Variants in PTPRO observed in about 807,000 individuals in gnomAD.
The protein encoded by PTPRO is receptor-type tyrosine-protein phosphatase O.
A neutral mutation model predicts 145.2 loss-of-function variants in PTPRO; 62 were observed. That is an observed-to-expected ratio of 0.43 (90% CI 0.35 to 0.53). The LOEUF is 0.53. Ranked by LOEUF, PTPRO falls within the 20% of genes least tolerant of loss-of-function variation. The probability of loss-of-function intolerance (pLI) is 0.01; values close to 1 mark genes in which losing one functional copy is unlikely to be tolerated. For missense variants in PTPRO, 1,345 were observed against 1,482.7 expected, an observed-to-expected ratio of 0.91 and a Z score of 1.53; for synonymous variants, 565 against 514.7, an observed-to-expected ratio of 1.10 and a Z score of -1.32.
At chr12:15,342,635 T>A (rs1006110601) in intron 1 of PTPRO, among the ~76,000 whole-genome samples, 1 of 152,202 alleles carries the variant, frequency 6.6e-6, no homozygotes, top group African/African-American at 2.4e-5. Flanking sequence ...CAGTGCCCAG[T>A]GGGGCTTTGC....
chr12:15,519,247 T>A (rs529477908), intron 9 of PTPRO, among the ~76,000 whole-genome samples: 21 of 152,326 alleles, frequency 1.4e-4, no homozygotes, highest in South Asian at 8.3e-4. Context: ...TTACTCACTA[T>A]CATCAGAACA....
At chr12:15,446,124 A>G (rs1240677225) in intron 1 of PTPRO, among the ~76,000 whole-genome samples, 1 of 152,144 alleles carries the variant, frequency 6.6e-6, no homozygotes, top group Non-Finnish European at 1.5e-5. Context: ...CTTTCTCAGC[A>G]TGTTATTCTA....
In PTPRO at chr12:15,426,883, G is replaced by A. The variant is rs371318223; in HGVS notation, c.76-57091G>A. On this transcript the variant is annotated intron_variant, in intron 1 of 26. Transcript: ENST00000281171. ...TTGCTCAATCTGATAATCCTAATGGGGTATTGACTGTTAATATATTATTAT... is the reference window on the plus strand; with the variant it reads ...TTGCTCAATCTGATAATCCTAATGGAGTATTGACTGTTAATATATTATTAT... 7.9e-5 allele frequency among the ~76,000 whole-genome samples: 12 copies of A among 151,784 alleles called. No individual in the cohort carries two copies. The East Asian group carries it at 2.3e-3, about 29-fold the overall frequency.
At chr12:15,467,499 C>T (rs1367191162) in intron 1 of PTPRO, among the ~76,000 whole-genome samples, 1 of 151,776 alleles carries the variant, frequency 6.6e-6, no homozygotes, top group Non-Finnish European at 1.5e-5. Context: ...TCACTCAGTG[C>T]TAAGGGATAT....
At chr12:15,377,161 T>C (rs1938713905) in intron 1 of PTPRO, among the ~76,000 whole-genome samples, 1 of 152,080 alleles carries the variant, frequency 6.6e-6, no homozygotes, top group Non-Finnish European at 1.5e-5. Flanking sequence ...TTAAGTATAG[T>C]TCCAGAGCAA....
intron 1 of PTPRO, among the ~76,000 whole-genome samples, chr12:15,461,608 G>A (rs1012365868): frequency 2.1e-3 from 254 of 118,352 alleles, no homozygotes; most frequent in Admixed American, 2.5e-3. Context: ...TCGCTCTGTC[G>A]CCAGGCTGGA....
At chr12:15,395,030 A>C (rs1440403627) in intron 1 of PTPRO, among the ~76,000 whole-genome samples, 1 of 152,230 alleles carries the variant, frequency 6.6e-6, no homozygotes, top group Non-Finnish European at 1.5e-5. Context: ...AGAACAGAGA[A>C]TGAATGAGAG....
intron 17 of PTPRO, chr12:15,565,354 C>T: frequency 3.0e-6 from 1 of 330,812 alleles, no homozygotes; most frequent in Non-Finnish European, 5.6e-6. Flanking sequence ...CAGTTTTTGG[C>T]AAATGGGAAG....
At chr12:15,482,524 T>G (rs1941801552) in intron 1 of PTPRO, among the ~76,000 whole-genome samples, 1 of 152,150 alleles carries the variant, frequency 6.6e-6, no homozygotes, top group Non-Finnish European at 1.5e-5. Flanking sequence ...GAGTGGATTT[T>G]GAATGTTCCC....
At chr12:15,519,507 A>AT (rs998389010) in intron 9 of PTPRO, among the ~76,000 whole-genome samples, 3 of 152,162 alleles carry the variant, frequency 2.0e-5, no homozygotes, top group African/African-American at 7.2e-5. Flanking sequence ...GTTAATCAAC[A>AT]TTTTTTCCTA....
chr12:15,385,643 C>T (rs1051279311), intron 1 of PTPRO, among the ~76,000 whole-genome samples: 2 of 151,928 alleles, frequency 1.3e-5, no homozygotes, highest in African/African-American at 4.8e-5. Context: ...GAAACCCCAT[C>T]TCTACTAAAA....
At chr12:15,489,399 G>A (rs893175132) in intron 2 of PTPRO, among the ~76,000 whole-genome samples, 1 of 152,156 alleles carries the variant, frequency 6.6e-6, no homozygotes, top group Non-Finnish European at 1.5e-5. Flanking sequence ...CCATTTTTAT[G>A]TTTATCTATT....
chr12:15,398,972 C>G (rs182303429), intron 1 of PTPRO, among the ~76,000 whole-genome samples: 54 of 152,188 alleles, frequency 3.5e-4, no homozygotes, highest in African/African-American at 1.1e-3. Flanking sequence ...GGGGTAAACT[C>G]CACATTTCTG....
intron 24 of PTPRO, among the ~76,000 whole-genome samples, chr12:15,587,853 C>G (rs886373372): frequency 2.0e-5 from 3 of 152,184 alleles, no homozygotes; most frequent in Non-Finnish European, 4.4e-5. Context: ...GGCAGCCATG[C>G]CAACCTAAGC....
intron 16 of PTPRO, among the ~76,000 whole-genome samples, chr12:15,558,431 C>T (rs1032243295): frequency 2.6e-5 from 4 of 152,106 alleles, no homozygotes; most frequent in African/African-American, 7.2e-5. Flanking sequence ...AGGAAGTGTT[C>T]GAATTTTAAA....
In PTPRO at chr12:15,428,866, A is replaced by C. The variant is rs11056477; in HGVS notation, c.76-55108A>C. On this transcript the variant is annotated intron_variant, in intron 1 of 26. Coordinates refer to ENST00000281171, the MANE Select transcript of PTPRO (RefSeq NM_030667.3). ...TTCCATTCACATTCCAGCCAGCAGGAAGGAGAAGATGATTGCCAAAAAAGT... is the reference window on the plus strand; with the variant it reads ...TTCCATTCACATTCCAGCCAGCAGGCAGGAGAAGATGATTGCCAAAAAAGT... 5.7e-4 allele frequency among the ~76,000 whole-genome samples: 87 copies of C among 152,220 alleles called. 1 individual carries two copies. In the East Asian group the frequency reaches 0.015, roughly 27 times the overall value.
intron 1 of PTPRO, among the ~76,000 whole-genome samples, chr12:15,359,759 G>A (rs991676759): frequency 9.9e-5 from 15 of 152,090 alleles, no homozygotes; most frequent in African/African-American, 3.6e-4. Flanking sequence ...TGTTTTTCAA[G>A]TTTGTTTTTG....
At chr12:15,516,611 GAGGAAGGA>G (rs1219439083) in intron 8 of PTPRO, 144 bp from the exon 9 acceptor site, 108 of 648,502 alleles carry the variant, frequency 1.7e-4, no homozygotes, top group Non-Finnish European at 2.3e-4. Context: ...GCAAGAAAGG[GAGGAAGGA>G]AGGAAGGAAG....
chr12:15,400,448 T>C (rs369107304), intron 1 of PTPRO, among the ~76,000 whole-genome samples: 4 of 152,180 alleles, frequency 2.6e-5, no homozygotes, highest in Non-Finnish European at 5.9e-5. Context: ...TTCATGCCTG[T>C]GTCATTCCCA....
Sources: gnomAD v4.1 joint callset for allele counts (sites outside exome capture counted in the v4.1 genomes callset) on GRCh38, gnomAD v4.1.1 for gene constraint, MANE v1.5 for transcripts, NCBI Gene and HGNC (gene_info 2026-07-23, HGNC 2026-07-21) for gene names.